Variants in KIAA1958 observed in about 807,000 individuals in gnomAD.
KIAA1958 encodes the protein KIAA1958, also known as uncharacterized protein KIAA1958.
Under a neutral mutation model 47.2 loss-of-function variants are expected in KIAA1958, and 14 were observed. The observed-to-expected ratio is 0.30, with a 90% CI of 0.20 to 0.46. The LOEUF is 0.46. KIAA1958 is among the 20% of genes least tolerant of loss of function. KIAA1958 has a pLI of 1.00. For synonymous variants in KIAA1958, 354 were observed against 353.3 expected (o/e 1.00, Z -0.02); for missense variants, 803 against 909.2 (o/e 0.88, Z 1.50).
intron 1 of KIAA1958, among the ~76,000 whole-genome samples, chr9:112,528,668 C>G (rs1218751696): frequency 6.6e-6 from 1 of 152,104 alleles, no homozygotes; most frequent in Non-Finnish European, 1.5e-5. Context: ...GATAGGCACC[C>G]GTCACCACGA....
intron 1 of KIAA1958, among the ~76,000 whole-genome samples, chr9:112,567,438 G>T (rs1294961020): frequency 6.6e-6 from 1 of 152,146 alleles, no homozygotes; most frequent in African/African-American, 2.4e-5. Context: ...GGCCTCTGTA[G>T]TTCCAGTCAT....
chr9:112,558,088 C>T (rs1835272625), intron 1 of KIAA1958, among the ~76,000 whole-genome samples: 1 of 151,844 alleles, frequency 6.6e-6, no homozygotes, highest in Non-Finnish European at 1.5e-5. Flanking sequence ...AGCCGGGCAT[C>T]GTGGTGCGCG....
chr9:112,500,156 C>T lies in KIAA1958; in HGVS notation c.-25+13038C>T, dbSNP rs188598499. Among the ~76,000 whole-genome samples, 569 of 152,094 alleles carry T rather than the reference C, an allele frequency of 3.7e-3. 3 individuals carry two copies. The highest frequency in any genetic ancestry group is 0.013 in the African/African-American group (534 of 41,460). On this transcript the variant is annotated intron_variant, in intron 1 of 3. Transcript: ENST00000337530. ...TCGCTCTGTCGCCGAGCCTGGAGTG[C>T]AGTGGTGCGAACTCAGCTCACTGCA...
intron 2 of KIAA1958, among the ~76,000 whole-genome samples, chr9:112,601,183 A>G (rs1395258885): frequency 4.6e-5 from 7 of 152,252 alleles, no homozygotes; most frequent in African/African-American, 1.4e-4. Flanking sequence ...TAGAGAAGTT[A>G]AGAAAGAAAA....
intron 3 of KIAA1958, 85 bp downstream of exon 3, chr9:112,645,907 A>C (rs1588052772): frequency 8.6e-7 from 1 of 1,164,726 alleles, no homozygotes; most frequent in East Asian, 2.7e-5. Flanking sequence ...TGTAGGGAAC[A>C]CAGAACGGTG....
intron 1 of KIAA1958, among the ~76,000 whole-genome samples, chr9:112,543,902 A>G (rs1418067593): frequency 6.6e-6 from 1 of 152,186 alleles, no homozygotes; most frequent in Admixed American, 6.5e-5. Context: ...CATCTAGCAC[A>G]ATTTATTGTG....
chr9:112,537,796 G>A lies in KIAA1958; in HGVS notation c.-24-36261G>A, dbSNP rs114669201. ...ACTCTCAAAGTTGGGGAAATAATTG[G>A]CATCCTGTTTTCAGATAATATTTAG... On this transcript the variant is annotated intron_variant, in intron 1 of 3. Coordinates refer to ENST00000337530, the MANE Select transcript of KIAA1958 (RefSeq NM_133465.4). Among the ~76,000 whole-genome samples the A allele has an allele frequency of 5.0e-3, 761 of 152,240 alleles. 7 individuals carry two copies. Among genetic ancestry groups the A allele is most frequent in the African/African-American group, 0.018 (728 of 41,540 alleles).
intron 1 of KIAA1958, among the ~76,000 whole-genome samples, chr9:112,543,313 A>G (rs1288106342): frequency 6.6e-6 from 1 of 152,180 alleles, no homozygotes; most frequent in African/African-American, 2.4e-5. Flanking sequence ...AAGTTCAAAT[A>G]TTAGTAAAAT....
chr9:112,641,985 G>A (rs1352076863), intron 2 of KIAA1958, among the ~76,000 whole-genome samples: 1 of 152,166 alleles, frequency 6.6e-6, no homozygotes, highest in Non-Finnish European at 1.5e-5. Flanking sequence ...GGGACGAGTA[G>A]GGAACATGAA....
chr9:112,553,285 C>G (rs546913441), intron 1 of KIAA1958, among the ~76,000 whole-genome samples: 21 of 151,838 alleles, frequency 1.4e-4, no homozygotes, highest in South Asian at 8.3e-4. Flanking sequence ...TTCCCAGACT[C>G]AAGCATTCCT....
chr9:112,494,933 T>C (rs894014413), intron 1 of KIAA1958, among the ~76,000 whole-genome samples: 3 of 152,170 alleles, frequency 2.0e-5, no homozygotes, highest in African/African-American at 7.2e-5. Flanking sequence ...TGTTCTTCCA[T>C]AGCTTCTATC....
chr9:112,502,293 G>T (rs2132766671), intron 1 of KIAA1958, among the ~76,000 whole-genome samples: 1 of 152,248 alleles, frequency 6.6e-6, no homozygotes, highest in East Asian at 1.9e-4. Context: ...TTTATTCCTT[G>T]TGCTTCTCCC....
rs1478175667 is a variant in KIAA1958, at chr9:112,661,139, C to A, written c.*1070C>A. The A allele has an allele frequency of 1.3e-5, 2 of 152,320 alleles. No individual in the cohort carries two copies. The highest frequency in any genetic ancestry group is 3.9e-4 in the East Asian group (2 of 5,188). The allele number at this position is 152,320 out of a possible 1,614,324, so 9.4% of individuals were successfully genotyped here. On this transcript the variant is annotated 3_prime_UTR_variant, in exon 4 of 4. Transcript: ENST00000337530. ...ATGTATGACTTTTCAGCCACAATTA[C>A]ATGTCATCATTTTAGGATGGCACCA... is the stretch of plus-strand genomic sequence containing the variant.
intron 3 of KIAA1958, among the ~76,000 whole-genome samples, chr9:112,658,983 G>A (rs1327735025): frequency 3.2e-5 from 4 of 126,150 alleles, no homozygotes; most frequent in East Asian, 4.8e-4. Flanking sequence ...TCACGCCACT[G>A]CACTCCAGCC....
chr9:112,562,327 C>A (rs1334899788), intron 1 of KIAA1958, among the ~76,000 whole-genome samples: 1 of 151,920 alleles, frequency 6.6e-6, no homozygotes, highest in African/African-American at 2.4e-5. Flanking sequence ...ACTAAGGGAC[C>A]GAGAGGTAAA....
At chr9:112,540,467 T>C (rs1834922625) in intron 1 of KIAA1958, among the ~76,000 whole-genome samples, 1 of 152,202 alleles carries the variant, frequency 6.6e-6, no homozygotes, top group Non-Finnish European at 1.5e-5. Flanking sequence ...TGGATAGTTA[T>C]TTTACTAGTC....
At chr9:112,496,420 T>C (rs1293491621) in intron 1 of KIAA1958, among the ~76,000 whole-genome samples, 2 of 152,210 alleles carry the variant, frequency 1.3e-5, no homozygotes, top group Non-Finnish European at 2.9e-5. Context: ...TGGGAGAGTA[T>C]TGATGAGAAT....
chr9:112,491,689 T>C (rs984199125), intron 1 of KIAA1958, among the ~76,000 whole-genome samples: 2 of 152,180 alleles, frequency 1.3e-5, no homozygotes, highest in Non-Finnish European at 2.9e-5. Flanking sequence ...TTTCATTAGC[T>C]GAACTTAACA....
At chr9:112,494,668 A>G (rs1031150713) in intron 1 of KIAA1958, among the ~76,000 whole-genome samples, 12 of 151,754 alleles carry the variant, frequency 7.9e-5, no homozygotes, top group African/African-American at 2.9e-4. Flanking sequence ...GGGTTTCACC[A>G]TGTCACCCAG....
Sources: gnomAD v4.1 joint callset for allele counts (sites outside exome capture counted in the v4.1 genomes callset) on GRCh38, gnomAD v4.1.1 for gene constraint, MANE v1.5 for transcripts, NCBI Gene and HGNC (gene_info 2026-07-23, HGNC 2026-07-21) for gene names.